HTR2C: variants seen among roughly 807,000 people sequenced by gnomAD.
HTR2C encodes the protein 5-hydroxytryptamine receptor 2C, also known as 5-hydroxytryptamine (serotonin) receptor 2C, G protein-coupled.
A neutral mutation model predicts 21.0 loss-of-function variants in HTR2C; 5 were observed. The ratio of observed to expected loss-of-function variants is 0.24; its 90% confidence interval spans 0.12 to 0.50. The LOEUF (loss-of-function observed/expected upper bound fraction) is 0.50. Ranked by LOEUF, HTR2C falls within the 20% of genes least tolerant of loss-of-function variation. HTR2C has a pLI of 0.98. For synonymous variants in HTR2C, 150 were observed against 145.3 expected (o/e 1.03, Z -0.23); for missense variants, 271 against 371.2 (o/e 0.73, Z 2.22).
In HTR2C at chrX:114,858,386, ACT is replaced by A. The variant is rs782626122; in HGVS notation, c.550+10186_550+10187del. Among the ~76,000 whole-genome samples, 5 of 109,828 alleles carry A rather than the reference ACT, an allele frequency of 4.6e-5. No homozygotes were observed. In the East Asian group the frequency reaches 1.4e-3, roughly 32 times the overall value. On this transcript the variant is annotated intron_variant, in intron 5 of 5. Coordinates refer to ENST00000276198, the MANE Select transcript of HTR2C (RefSeq NM_000868.4). The stretch of plus-strand genomic sequence containing the variant: ...ACTATTTATTTAGGCCTTCTTTAAT[ACT>A]CTGTTATGTTTTATTTAATTTAGAG...
At chrX:114,889,450 G>A (rs2147526090) in intron 5 of HTR2C, among the ~76,000 whole-genome samples, 1 of 112,009 alleles carries the variant, frequency 8.9e-6, no homozygotes, top group Non-Finnish European at 1.9e-5. Context: ...CAATCCGACT[G>A]TTTGGGGAAT....
chrX:114,665,926 T>C (rs1412241753), intron 2 of HTR2C, among the ~76,000 whole-genome samples: 2 of 112,117 alleles, frequency 1.8e-5, no homozygotes, highest in African/African-American at 6.5e-5. Flanking sequence ...GGTTAGTTGC[T>C]GATATGTCTT....
chrX:114,678,007 T>C (rs1279977737), intron 2 of HTR2C, among the ~76,000 whole-genome samples: 1 of 110,683 alleles, frequency 9.0e-6, no homozygotes, highest in Non-Finnish European at 1.9e-5. Context: ...CGTTCAGTAC[T>C]GCTTTGAAAC....
chrX:114,615,468 C>T (rs1203520777), intron 2 of HTR2C, among the ~76,000 whole-genome samples: 5 of 112,177 alleles, frequency 4.5e-5, no homozygotes, highest in Non-Finnish European at 5.6e-5. Flanking sequence ...ATCACTCATT[C>T]TGTTTGTGAA....
At chrX:114,664,904 A>G (rs1414423657) in intron 2 of HTR2C, among the ~76,000 whole-genome samples, 4 of 112,284 alleles carry the variant, frequency 3.6e-5, no homozygotes, top group East Asian at 2.8e-4. Context: ...GACAATGTCA[A>G]AATTACTCAG....
At chrX:114,795,425 A>G (rs1483675791) in intron 4 of HTR2C, among the ~76,000 whole-genome samples, 3 of 111,002 alleles carry the variant, frequency 2.7e-5, no homozygotes, top group Non-Finnish European at 3.8e-5. Flanking sequence ...TGTTTTAGAC[A>G]TGAAGTCCTT....
intron 4 of HTR2C, among the ~76,000 whole-genome samples, chrX:114,776,968 A>G (rs1302094476): frequency 8.9e-6 from 1 of 112,235 alleles, no homozygotes; most frequent in Non-Finnish European, 1.9e-5. Context: ...TGATATGCTG[A>G]CAAACATATT....
intron 2 of HTR2C, among the ~76,000 whole-genome samples, chrX:114,678,899 A>G (rs1602682383): frequency 8.9e-6 from 1 of 111,837 alleles, no homozygotes; most frequent in African/African-American, 3.2e-5. Context: ...TAATCAGACA[A>G]TTAACAGGGT....
intron 2 of HTR2C, among the ~76,000 whole-genome samples, chrX:114,698,937 A>G (rs1244931446): frequency 9.0e-6 from 1 of 111,681 alleles, no homozygotes; most frequent in Non-Finnish European, 1.9e-5. Flanking sequence ...GTTCACCAGT[A>G]TAAATGATCA....
chrX:114,635,683 A>T (rs1465100632), intron 2 of HTR2C, among the ~76,000 whole-genome samples: 1 of 111,770 alleles, frequency 8.9e-6, no homozygotes, highest in African/African-American at 3.3e-5. Flanking sequence ...GACTATGTAA[A>T]TGATTTTTCA....
intron 4 of HTR2C, among the ~76,000 whole-genome samples, chrX:114,805,835 C>CATGCATATACACCAT (rs202105071): frequency 3.2e-5 from 1 of 31,225 alleles, no homozygotes; most frequent in African/African-American, 1.4e-4. Context: ...ATATATATAC[C>CATGCATATACACCAT]ATATATACCA....
Position 114,584,148 on chromosome X carries a change from T to C in HTR2C, c.-658T>C, listed in dbSNP as rs1301502633. ...TCCTCAGATGCACCGATCTTCCCGA[T>C]ACTGCCTTTGGAGCGGCTAGATTGC... On this transcript the variant is annotated 5_prime_UTR_variant, in exon 1 of 6. Transcript: ENST00000276198. The C allele has an allele frequency of 8.9e-6, 1 of 112,577 alleles. No individual in the cohort carries two copies. Among genetic ancestry groups the C allele is most frequent in the Admixed American group, 9.4e-5 (1 of 10,654 alleles). 9.3% of individuals were successfully genotyped at this position (112,577 alleles called of 1,213,427 possible). A position where few individuals can be genotyped will look rare whatever the true frequency, so the allele number is the denominator to read the frequency against.
chrX:114,765,023 T>C (rs1556434278), intron 4 of HTR2C, among the ~76,000 whole-genome samples: 1 of 106,887 alleles, frequency 9.4e-6, no homozygotes, highest in East Asian at 2.9e-4. Context: ...TTTCTTTCTT[T>C]CTTTTTTCTT....
intron 2 of HTR2C, among the ~76,000 whole-genome samples, chrX:114,700,706 C>A (rs782106506): frequency 1.8e-5 from 2 of 112,138 alleles, no homozygotes; most frequent in African/African-American, 6.5e-5. Flanking sequence ...AGACAATGGG[C>A]GCAGGACAGT....
At position 114,731,589 on chromosome X, in the gene HTR2C, C is replaced by G. The variant is rs1556423400; in HGVS notation, c.331C>G (p.Leu111Val). The change falls in exon 4 of 6, where the codon CTC becomes GTC. Residue 111 changes from leucine (L) to valine (V), a missense_variant. Leu to Val is a conservative substitution (Grantham distance 32, BLOSUM62 1). Transcript: ENST00000276198. Reference protein sequence around the residue: ...LVGLLVMPLSLLAILYDYVWP... With the variant: ...LVGLLVMPLSVLAILYDYVWP... Reference sequence around the variant, plus strand: ...GGGACTACTTGTCATGCCCCTGTCTCTCCTGGCAATCCTTTATGGTAAGTA... The same window carrying G: ...GGGACTACTTGTCATGCCCCTGTCTGTCCTGGCAATCCTTTATGGTAAGTA... 8.4e-7 allele frequency: 1 copy of G among 1,190,134 alleles called. No individual in the cohort carries two copies. Among genetic ancestry groups the G allele is most frequent in the Non-Finnish European group, 1.1e-6 (1 of 878,262 alleles).
rs2071383082 is a variant in HTR2C, at chrX:114,907,288, G to T, written c.1250G>T (p.Arg417Leu). 1 of 1,208,556 alleles carries T rather than the reference G, an allele frequency of 8.3e-7. No individual in the cohort carries two copies. Among genetic ancestry groups the T allele is most frequent in the Non-Finnish European group, 1.1e-6 (1 of 894,350 alleles). ...AGGGAGCTTAATGTTAACATTTATCGGCATACCAATGAACCGGTGATCGAG... is the reference window on the plus strand; with the variant it reads ...AGGGAGCTTAATGTTAACATTTATCTGCATACCAATGAACCGGTGATCGAG... ...SGRELNVNIYRHTNEPVIEKA... is the reference protein window; with the variant it reads ...SGRELNVNIYLHTNEPVIEKA... The change falls in exon 6 of 6, where the codon CGG becomes CTG. Residue 417 changes from arginine to leucine, a missense_variant. Physicochemically the swap from Arg to Leu is moderately radical, Grantham distance 102. Around this residue, in one of 5 missense-constraint regions of HTR2C, gnomAD observed 192 missense variants for 247.2 expected, o/e 0.78. Coordinates refer to ENST00000276198, the MANE Select transcript of HTR2C (RefSeq NM_000868.4).
intron 4 of HTR2C, among the ~76,000 whole-genome samples, chrX:114,835,829 T>G (rs782683695): frequency 5.4e-4 from 60 of 110,418 alleles, no homozygotes; most frequent in African/African-American, 1.9e-3. Context: ...TTCCCCATCT[T>G]TGTGGTTTTA....
At chrX:114,643,544 G>A (rs1930218560) in intron 2 of HTR2C, among the ~76,000 whole-genome samples, 1 of 110,631 alleles carries the variant, frequency 9.0e-6, no homozygotes, top group East Asian at 2.9e-4. Flanking sequence ...TAACAGGGTG[G>A]GAAAGAGTCT....
chrX:114,712,181 C>A (rs1325250265), intron 2 of HTR2C, among the ~76,000 whole-genome samples: 1 of 111,709 alleles, frequency 9.0e-6, no homozygotes, highest in Non-Finnish European at 1.9e-5. Context: ...GATGTCATTT[C>A]TGTGATCTCA....
Sources: allele counts gnomAD v4.1 joint callset (sites outside exome capture counted in the v4.1 genomes callset), GRCh38; gene constraint gnomAD v4.1.1; regional missense constraint gnomAD v4.1.1; transcripts MANE v1.5; gene names NCBI Gene and HGNC (gene_info 2026-07-23, HGNC 2026-07-21).